Variants in CDKAL1 observed in about 807,000 individuals in gnomAD.
CDKAL1 encodes CDKAL1 threonylcarbamoyladenosine tRNA methylthiotransferase, also known as threonylcarbamoyladenosine tRNA methylthiotransferase.
Under a neutral mutation model 68.2 loss-of-function variants are expected in CDKAL1, and 32 were observed. The observed-to-expected ratio is 0.47, with a 90% confidence interval of 0.35 to 0.63. The LOEUF (loss-of-function observed/expected upper bound fraction) is 0.63. Among genes scored for constraint, CDKAL1 ranks in the 30% least tolerant of loss-of-function variants. The probability of loss-of-function intolerance (pLI) is 0.00; values close to 1 mark genes in which losing one functional copy is unlikely to be tolerated. For synonymous variants in CDKAL1, 234 were observed against 244.3 expected (o/e 0.96, Z 0.39); for missense variants, 606 against 696.7 (o/e 0.87, Z 1.47).
At chr6:20,630,046 G>A (rs1253021169) in intron 4 of CDKAL1, among the ~76,000 whole-genome samples, 1 of 151,904 alleles carries the variant, frequency 6.6e-6, no homozygotes. Flanking sequence ...GTAGAGATTT[G>A]TATTTTTAGA....
chr6:20,935,121 C>G (rs528416292), intron 9 of CDKAL1, among the ~76,000 whole-genome samples: 201 of 152,166 alleles, frequency 1.3e-3, no homozygotes, highest in Non-Finnish European at 2.5e-3. Context: ...GTCTTGAACT[C>G]GTGACCTCAA....
intron 4 of CDKAL1, among the ~76,000 whole-genome samples, chr6:20,639,646 A>G (rs537103273): frequency 7.2e-5 from 11 of 152,278 alleles, no homozygotes; most frequent in African/African-American, 2.4e-4. Flanking sequence ...AAAAAAATTA[A>G]TCTATTGACC....
intron 8 of CDKAL1, among the ~76,000 whole-genome samples, chr6:20,812,633 G>A (rs1776870633): frequency 6.6e-6 from 1 of 152,124 alleles, no homozygotes; most frequent in Admixed American, 6.6e-5. Flanking sequence ...AAACTATCCA[G>A]TACGTTCCCC....
chr6:20,675,579 A>C (rs188838540), intron 5 of CDKAL1, among the ~76,000 whole-genome samples: 1 of 152,184 alleles, frequency 6.6e-6, no homozygotes, highest in Admixed American at 6.5e-5. Flanking sequence ...TATCATAGCA[A>C]TTGTAATGTT....
chr6:21,127,537 G>T (rs73383755), intron 13 of CDKAL1, among the ~76,000 whole-genome samples: 1,695 of 152,246 alleles, frequency 0.011, 25 homozygotes, highest in African/African-American at 0.038. Context: ...ATCATTTGAG[G>T]TCAAGAGTTC....
At chr6:20,616,877 A>ACACACACACACACC (rs1766934975) in intron 4 of CDKAL1, among the ~76,000 whole-genome samples, 1 of 150,766 alleles carries the variant, frequency 6.6e-6, no homozygotes, top group Non-Finnish European at 1.5e-5. Flanking sequence ...ACACACACAC[A>ACACACACACACACC]CACACTACAA....
At chr6:20,915,100 TAA>T (rs1762660859) in intron 9 of CDKAL1, among the ~76,000 whole-genome samples, 1 of 151,658 alleles carries the variant, frequency 6.6e-6, no homozygotes, top group Non-Finnish European at 1.5e-5. Context: ...TGTACATATC[TAA>T]AAGAAATATA....
At chr6:21,088,021 C>T (rs888341309) in intron 12 of CDKAL1, among the ~76,000 whole-genome samples, 1 of 151,954 alleles carries the variant, frequency 6.6e-6, no homozygotes, top group Non-Finnish European at 1.5e-5. Context: ...AGTATTCGGG[C>T]AGGAAAACAG....
chr6:20,946,799 G>A (rs956701488), intron 9 of CDKAL1, among the ~76,000 whole-genome samples: 8 of 151,904 alleles, frequency 5.3e-5, no homozygotes, highest in African/African-American at 1.7e-4. Flanking sequence ...GTTTCTCCAT[G>A]TTGGTCAGGC....
chr6:20,683,951 G>T (rs1770499570), intron 5 of CDKAL1, among the ~76,000 whole-genome samples: 1 of 152,180 alleles, frequency 6.6e-6, no homozygotes, highest in African/African-American at 2.4e-5. Context: ...GATAGTGGGA[G>T]TCATATAATT....
chr6:20,805,110 A>C (rs1187819699), intron 8 of CDKAL1, among the ~76,000 whole-genome samples: 1 of 152,182 alleles, frequency 6.6e-6, no homozygotes, highest in Non-Finnish European at 1.5e-5. Flanking sequence ...TATGTGTGTT[A>C]CTGCATTTCA....
intron 4 of CDKAL1, among the ~76,000 whole-genome samples, chr6:20,584,496 C>A (rs1765264722): frequency 6.6e-6 from 1 of 152,066 alleles, no homozygotes; most frequent in Admixed American, 6.6e-5. Context: ...CGTGAGCAGT[C>A]CAGTGTGGGG....
chr6:21,007,347 G>T (rs1767780558), intron 11 of CDKAL1, among the ~76,000 whole-genome samples: 1 of 151,716 alleles, frequency 6.6e-6, no homozygotes, highest in Non-Finnish European at 1.5e-5. Context: ...GGAGGATCCT[G>T]GGAGGCACTC....
At chr6:21,002,049 G>A (rs191949515) in intron 11 of CDKAL1, among the ~76,000 whole-genome samples, 2 of 152,294 alleles carry the variant, frequency 1.3e-5, no homozygotes, top group African/African-American at 2.4e-5. Flanking sequence ...AGGAATTACT[G>A]TGGCTACTTA....
chr6:21,047,444 GT>G (rs1770304368), intron 11 of CDKAL1, among the ~76,000 whole-genome samples: 1 of 152,134 alleles, frequency 6.6e-6, no homozygotes, highest in African/African-American at 2.4e-5. Context: ...ATTGAAATTG[GT>G]ATTAGTCAAA....
chr6:20,849,442 G>A (rs1052397674), intron 9 of CDKAL1, among the ~76,000 whole-genome samples: 2 of 151,962 alleles, frequency 1.3e-5, no homozygotes, highest in Non-Finnish European at 2.9e-5. Context: ...AATTAGCCGG[G>A]CGTGGTGGCG....
chr6:21,003,665 C>T (rs2150825699), intron 11 of CDKAL1, among the ~76,000 whole-genome samples: 1 of 152,060 alleles, frequency 6.6e-6, no homozygotes, highest in Non-Finnish European at 1.5e-5. Context: ...AGCTTTATGC[C>T]AAATAGATTA....
intron 13 of CDKAL1, among the ~76,000 whole-genome samples, chr6:21,125,784 G>A (rs1774977631): frequency 6.6e-6 from 1 of 152,232 alleles, no homozygotes; most frequent in South Asian, 2.1e-4. Flanking sequence ...AGAAATCAGA[G>A]CTGCTGCTTC....
At chr6:21,079,757 T>C (rs1437048554) in intron 12 of CDKAL1, among the ~76,000 whole-genome samples, 2 of 152,192 alleles carry the variant, frequency 1.3e-5, no homozygotes, top group Non-Finnish European at 2.9e-5. Flanking sequence ...GATTACTTCC[T>C]GGACCAGGCC....
Sources: gnomAD v4.1 joint callset for allele counts (sites outside exome capture counted in the v4.1 genomes callset) on GRCh38, gnomAD v4.1.1 for gene constraint, MANE v1.5 for transcripts, NCBI Gene and HGNC (gene_info 2026-07-23, HGNC 2026-07-21) for gene names.